ADCY2: variants seen among roughly 807,000 people sequenced by gnomAD.
ADCY2 encodes the protein adenylate cyclase 2, also known as adenylate cyclase type 2.
Under a neutral mutation model 125.2 loss-of-function variants are expected in ADCY2, and 31 were observed. The observed-to-expected ratio is 0.25, with a 90% CI of 0.19 to 0.33. The LOEUF (loss-of-function observed/expected upper bound fraction) is 0.33. Among genes scored for constraint, ADCY2 ranks in the 10% least tolerant of loss-of-function variants. The pLI is 1.00. For missense variants in ADCY2, 904 were observed against 1,418.2 expected, an observed-to-expected ratio of 0.64 and a Z score of 5.82; for synonymous variants, 512 against 548.4, an observed-to-expected ratio of 0.93 and a Z score of 0.93.
chr5:7,658,260 C>T (rs1015481296), intron 4 of ADCY2: 1 of 152,244 alleles, frequency 6.6e-6, no homozygotes, highest in Non-Finnish European at 1.5e-5. Flanking sequence ...TTGCTGTCCT[C>T]TCCAGTTTTT....
chr5:7,543,425 T>C (rs1735055777), intron 3 of ADCY2, among the ~76,000 whole-genome samples: 1 of 152,182 alleles, frequency 6.6e-6, no homozygotes, highest in African/African-American at 2.4e-5. Flanking sequence ...AATCTTCTTA[T>C]TTGAGTTGAC....
rs1252068979 is a variant in ADCY2, at chr5:7,716,446, C to T, written c.1623-711C>T. The stretch of plus-strand genomic sequence containing the variant: ...CAACAAGTCAAAAGCTAATACATCT[C>T]CTAGGAGAGAAAGTTACTTTATCTC... On this transcript the variant is annotated intron_variant, in intron 11 of 24. Coordinates refer to ENST00000338316, the MANE Select transcript of ADCY2 (RefSeq NM_020546.3). Among the ~76,000 whole-genome samples the T allele has an allele frequency of 2.6e-5, 4 of 152,284 alleles. No individual in the cohort carries two copies. In the East Asian group the frequency reaches 7.7e-4, roughly 29 times the overall value.
chr5:7,713,388 G>A (rs1741499429), intron 11 of ADCY2, among the ~76,000 whole-genome samples: 1 of 151,920 alleles, frequency 6.6e-6, no homozygotes, highest in Non-Finnish European at 1.5e-5. Flanking sequence ...CAGCTACTCG[G>A]GAGGCTGAGG....
chr5:7,766,864 A>C, intron 17 of ADCY2, 58 bp downstream of exon 17: 1 of 1,566,408 alleles, frequency 6.4e-7, no homozygotes, highest in Non-Finnish European at 8.6e-7. Flanking sequence ...CGTAGTCTGT[A>C]TAACATATAT....
intron 3 of ADCY2, among the ~76,000 whole-genome samples, chr5:7,545,749 TACACGCCAACCGATAAACAGCC>T (rs1735129416): frequency 6.6e-6 from 1 of 152,182 alleles, no homozygotes; most frequent in African/African-American, 2.4e-5. Flanking sequence ...GTCGGTGGGT[TACACGCCAACCGATAAACAGCC>T]CTTTTGCTTC....
At chr5:7,495,454 T>C (rs928442431) in intron 2 of ADCY2, among the ~76,000 whole-genome samples, 2 of 152,242 alleles carry the variant, frequency 1.3e-5, no homozygotes, top group East Asian at 1.9e-4. Flanking sequence ...CGGGATATTA[T>C]TGCAGAAGAA....
At chr5:7,643,221 T>G (rs1738772782) in intron 4 of ADCY2, among the ~76,000 whole-genome samples, 1 of 152,072 alleles carries the variant, frequency 6.6e-6, no homozygotes, top group African/African-American at 2.4e-5. Flanking sequence ...TTTAAATGTC[T>G]ATTCTAAAAA....
rs192881445 is a variant in ADCY2 at position 7,440,350 on chromosome 5, C to T, written c.408+25580C>T. Among the ~76,000 whole-genome samples the T allele has an allele frequency of 3.3e-4, 50 of 152,280 alleles. 1 individual carries two copies. Among genetic ancestry groups the T allele is most frequent in the Middle Eastern group, 6.8e-3 (2 of 294 alleles). On this transcript the variant is annotated intron_variant, in intron 2 of 24. Coordinates refer to ENST00000338316, the MANE Select transcript of ADCY2 (RefSeq NM_020546.3). Reference sequence around the variant, plus strand: ...TGATTCACTGAAGAAATACACTGCGCGCACTCAGCTTTTATGATTATGCTC... The same window carrying T: ...TGATTCACTGAAGAAATACACTGCGTGCACTCAGCTTTTATGATTATGCTC...
intron 3 of ADCY2, among the ~76,000 whole-genome samples, chr5:7,600,775 T>A (rs1737174136): frequency 2.0e-5 from 3 of 152,102 alleles, no homozygotes; most frequent in Admixed American, 6.5e-5. Context: ...CTGTGGTGAG[T>A]TCCCATTAAA....
intron 15 of ADCY2, among the ~76,000 whole-genome samples, chr5:7,753,884 G>C (rs533407585): frequency 6.6e-6 from 1 of 152,214 alleles, no homozygotes; most frequent in South Asian, 2.1e-4. Context: ...TTACACTTCA[G>C]AACAGGTTTA....
intron 3 of ADCY2, among the ~76,000 whole-genome samples, chr5:7,524,392 G>C (rs1379127900): frequency 1.3e-5 from 2 of 152,070 alleles, no homozygotes; most frequent in Non-Finnish European, 2.9e-5. Context: ...TTAACTACAA[G>C]ACACCTGCAA....
At chr5:7,686,761 T>G (rs2914310) in intron 4 of ADCY2, among the ~76,000 whole-genome samples, 102,207 of 152,164 alleles carry the variant, frequency 0.67, 35,441 homozygotes, top group East Asian at 0.98. Context: ...ATTAATGGAA[T>G]TATTAACATT....
At chr5:7,447,051 T>G (rs552138255) in intron 2 of ADCY2, among the ~76,000 whole-genome samples, 1 of 152,292 alleles carries the variant, frequency 6.6e-6, no homozygotes, top group South Asian at 2.1e-4. Flanking sequence ...CATGTGTTTC[T>G]TCACTTTCGG....
intron 4 of ADCY2, among the ~76,000 whole-genome samples, chr5:7,659,740 ATTCCT>A (rs1180354828): frequency 1.3e-5 from 2 of 152,202 alleles, no homozygotes; most frequent in Non-Finnish European, 2.9e-5. Context: ...GAAAGTAGAG[ATTCCT>A]AGGAGTAGTT....
chr5:7,479,553 C>G (rs1425035335), intron 2 of ADCY2, among the ~76,000 whole-genome samples: 1 of 152,072 alleles, frequency 6.6e-6, no homozygotes. Flanking sequence ...AATGGGGTAT[C>G]TATCACCCCA....
intron 3 of ADCY2, among the ~76,000 whole-genome samples, chr5:7,622,401 A>G (rs934075682): frequency 2.6e-5 from 4 of 152,220 alleles, no homozygotes; most frequent in African/African-American, 9.6e-5. Flanking sequence ...TAATTTGATA[A>G]GTTTTCCATC....
intron 22 of ADCY2, 43 bp downstream of exon 22, chr5:7,804,735 C>A: frequency 6.7e-7 from 1 of 1,502,944 alleles, no homozygotes; most frequent in South Asian, 1.1e-5. Flanking sequence ...GAGCCTCAAC[C>A]CCATCCACAA....
intron 24 of ADCY2, among the ~76,000 whole-genome samples, chr5:7,824,389 T>C (rs555698576): frequency 9.9e-5 from 15 of 152,260 alleles, no homozygotes; most frequent in Non-Finnish European, 1.6e-4. Context: ...TTCGGCATTA[T>C]GAACACCAGT....
intron 3 of ADCY2, among the ~76,000 whole-genome samples, chr5:7,522,008 G>A (rs1325343558): frequency 6.6e-6 from 1 of 152,144 alleles, no homozygotes; most frequent in Non-Finnish European, 1.5e-5. Context: ...CCCAGGAAGA[G>A]GAGGAAGGCC....
Sources: allele counts gnomAD v4.1 joint callset (sites outside exome capture counted in the v4.1 genomes callset), GRCh38; gene constraint gnomAD v4.1.1; transcripts MANE v1.5; gene names NCBI Gene and HGNC (gene_info 2026-07-23, HGNC 2026-07-21).